Variants in GFRA1 observed in about 807,000 individuals in gnomAD.
GFRA1 encodes GDNF family receptor alpha 1.
In GFRA1, 16 loss-of-function variants were observed where a neutral mutation model predicts 51.6. The observed-to-expected ratio is 0.31, with a 90% CI of 0.21 to 0.47. The LOEUF is 0.47. GFRA1 is among the 20% of genes least tolerant of loss of function. The pLI, the probability that GFRA1 is intolerant of heterozygous loss-of-function variation, is 1.00. For missense variants in GFRA1, 530 were observed against 594.3 expected, an observed-to-expected ratio of 0.89 and a Z score of 1.13; for synonymous variants, 270 against 241.3, an observed-to-expected ratio of 1.12 and a Z score of -1.10.
At chr10:116,098,267 G>T (rs11197528) in intron 6 of GFRA1, among the ~76,000 whole-genome samples, 4 of 152,182 alleles carry the variant, frequency 2.6e-5, no homozygotes, top group Non-Finnish European at 5.9e-5. Flanking sequence ...AAAATCCTGC[G>T]AATGTGGCTG....
chr10:116,082,745 T>G (rs1331698160), intron 9 of GFRA1, among the ~76,000 whole-genome samples: 4 of 152,200 alleles, frequency 2.6e-5, no homozygotes, highest in Non-Finnish European at 4.4e-5. Context: ...CCCAAAGTGC[T>G]GGGATTACAG....
intron 2 of GFRA1, 129 bp from the exon 3 acceptor site, chr10:116,271,244 G>T: frequency 1.5e-6 from 1 of 686,884 alleles, no homozygotes; most frequent in Non-Finnish European, 2.4e-6. Flanking sequence ...CTCTGGGAGC[G>T]GGTCCACCTC....
chr10:116,080,771 A>C (rs1206582448), intron 9 of GFRA1, among the ~76,000 whole-genome samples: 1 of 152,168 alleles, frequency 6.6e-6, no homozygotes, highest in Non-Finnish European at 1.5e-5. Context: ...CAGGGTTGGG[A>C]CTTGAGCCAC....
chr10:116,270,680 T>A, intron 3 of GFRA1, 142 bp downstream of exon 3: 1 of 682,692 alleles, frequency 1.5e-6, no homozygotes, highest in African/African-American at 1.8e-5. Context: ...CCAGCTGCCG[T>A]TGTCCCTGGG....
At chr10:116,154,307 G>A (rs762214225) in intron 5 of GFRA1, among the ~76,000 whole-genome samples, 17 of 152,072 alleles carry the variant, frequency 1.1e-4, no homozygotes, top group Non-Finnish European at 2.4e-4. Context: ...GCCCCAAACT[G>A]GATACGACCA....
chr10:116,082,992 A>G (rs952005776), intron 9 of GFRA1, among the ~76,000 whole-genome samples: 2 of 152,176 alleles, frequency 1.3e-5, no homozygotes, highest in Admixed American at 6.5e-5. Context: ...CTCTTTGCAT[A>G]CTTGCACTGT....
chr10:116,108,217 C>T (rs1008751392), intron 6 of GFRA1, among the ~76,000 whole-genome samples: 1 of 152,132 alleles, frequency 6.6e-6, no homozygotes, highest in Admixed American at 6.5e-5. Flanking sequence ...TAAATATACA[C>T]TAGGTCATTT....
intron 4 of GFRA1, among the ~76,000 whole-genome samples, chr10:116,253,751 G>T (rs560675911): frequency 6.6e-6 from 1 of 152,096 alleles, no homozygotes; most frequent in Non-Finnish European, 1.5e-5. Flanking sequence ...AATACAAAGG[G>T]TGCTTAGGCC....
At chr10:116,240,088 T>C (rs1445033498) in intron 4 of GFRA1, among the ~76,000 whole-genome samples, 1 of 152,090 alleles carries the variant, frequency 6.6e-6, no homozygotes. Context: ...CGGAAATCAT[T>C]GCATTTTCAA....
chr10:116,068,592 T>C (rs1955227231), intron 9 of GFRA1, among the ~76,000 whole-genome samples: 1 of 152,164 alleles, frequency 6.6e-6, no homozygotes, highest in Non-Finnish European at 1.5e-5. Context: ...TGCATGCTTA[T>C]GAGTCCTGTA....
At chr10:116,212,428 G>A (rs974006092) in intron 4 of GFRA1, among the ~76,000 whole-genome samples, 1 of 151,930 alleles carries the variant, frequency 6.6e-6, no homozygotes, top group Non-Finnish European at 1.5e-5. Flanking sequence ...GCTGAGGCAG[G>A]AGAATCACTT....
rs147169640 is a variant in GFRA1 at position 116,123,995 on chromosome 10, C to T, written c.770+1226G>A. Among the ~76,000 whole-genome samples, 748 of 152,306 alleles carry T rather than the reference C, an allele frequency of 4.9e-3. 7 individuals are homozygous for T. Among genetic ancestry groups the T allele is most frequent in the African/African-American group, 0.017 (705 of 41,564 alleles). On this transcript the variant is annotated intron_variant, in intron 6 of 10. Transcript: ENST00000355422. ...TCTCTGCTCACTGCAACCTTCACTT[C>T]CCAGGTTCAAGCAATTCTCCTGCCT...
At chr10:116,085,691 C>G (rs1040910320) in intron 9 of GFRA1, among the ~76,000 whole-genome samples, 2 of 152,144 alleles carry the variant, frequency 1.3e-5, no homozygotes, top group South Asian at 2.1e-4. Context: ...CTCTCTCATC[C>G]CCCCCATCCT....
intron 4 of GFRA1, among the ~76,000 whole-genome samples, chr10:116,212,835 T>G (rs1291629690): frequency 6.6e-6 from 1 of 152,220 alleles, no homozygotes; most frequent in Admixed American, 6.5e-5. Context: ...AATTAGGAAT[T>G]GTGATGAACA....
At chr10:116,257,481 C>G (rs1015577326) in intron 4 of GFRA1, among the ~76,000 whole-genome samples, 5 of 152,148 alleles carry the variant, frequency 3.3e-5, no homozygotes, top group African/African-American at 1.2e-4. Context: ...GGAGCTTGAA[C>G]TTGACCCACA....
Position 116,269,584 on chromosome 10 carries a change from T to A in GFRA1, c.337A>T (p.Asn113Tyr). The change falls in exon 4 of 11, where the codon AAT (asparagine) becomes TAT (tyrosine). Residue 113 changes from asparagine (N) to tyrosine (Y), a missense_variant and splice_region_variant. Asn to Tyr is a moderately radical substitution (Grantham distance 143). Coordinates refer to ENST00000355422, the MANE Select transcript of GFRA1 (RefSeq NM_005264.8). ...YWSMYQSLQG[N>Y]DLLEDSPYEP... ...TATGGGGAATCCTCCAGCAGATCAT[T>A]TCCTAAAAACAACAGAAAGATTGGG... is the stretch of plus-strand genomic sequence containing the variant. 6.3e-7 allele frequency: 1 copy of A among 1,588,034 alleles called. No individual in the cohort carries two copies. The highest frequency in any genetic ancestry group is 8.6e-7 in the Non-Finnish European group (1 of 1,156,192).
At chr10:116,200,812 G>A (rs777160471) in intron 5 of GFRA1, among the ~76,000 whole-genome samples, 5 of 152,198 alleles carry the variant, frequency 3.3e-5, no homozygotes, top group Admixed American at 6.5e-5. Context: ...ACACATTGGG[G>A]TTAGGATTTT....
At chr10:116,150,810 G>A (rs373350554) in intron 5 of GFRA1, among the ~76,000 whole-genome samples, 18 of 152,294 alleles carry the variant, frequency 1.2e-4, no homozygotes, top group Middle Eastern at 3.4e-3. Context: ...ACAGTTGTTG[G>A]CCAAAAATTC....
At chr10:116,242,851 A>G (rs1328720807) in intron 4 of GFRA1, among the ~76,000 whole-genome samples, 1 of 152,202 alleles carries the variant, frequency 6.6e-6, no homozygotes, top group Non-Finnish European at 1.5e-5. Context: ...CCACATTTCC[A>G]TCAAATATGT....
Sources: allele counts gnomAD v4.1 joint callset (sites outside exome capture counted in the v4.1 genomes callset), GRCh38; gene constraint gnomAD v4.1.1; transcripts MANE v1.5; gene names NCBI Gene and HGNC (gene_info 2026-07-23, HGNC 2026-07-21).